The following PTPN14 variants were observed in gnomAD, a reference collection of about 807,000 sequenced individuals.
The protein encoded by PTPN14 is tyrosine-protein phosphatase non-receptor type 14.
A neutral mutation model predicts 126.8 loss-of-function variants in PTPN14; 53 were observed. The ratio of observed to expected loss-of-function variants is 0.42; its 90% confidence interval spans 0.34 to 0.53. PTPN14 has a LOEUF of 0.53. Ranked by LOEUF, PTPN14 falls within the 20% of genes least tolerant of loss-of-function variation. PTPN14 has a pLI of 0.08. For missense variants in PTPN14, 1,257 were observed against 1,552.9 expected (o/e 0.81, Z 3.20); for synonymous variants, 630 against 599.3 (o/e 1.05, Z -0.75).
chr1:214,456,648 A>T (rs1012566821), intron 2 of PTPN14, among the ~76,000 whole-genome samples: 7 of 152,224 alleles, frequency 4.6e-5, no homozygotes, highest in Admixed American at 2.6e-4. Flanking sequence ...CCCATAGCCA[A>T]GAAAAACCAC....
intron 11 of PTPN14, among the ~76,000 whole-genome samples, chr1:214,390,596 T>C (rs984669690): frequency 6.6e-6 from 1 of 152,122 alleles, no homozygotes; most frequent in African/African-American, 2.4e-5. Context: ...TTCTCACTAG[T>C]TTATTAAGCT....
rs1658929135 is a variant in PTPN14 at position 214,398,112 on chromosome 1, A to G, written c.670-111T>C. The G allele has an allele frequency of 3.6e-6, 3 of 825,858 alleles. No homozygotes were observed. In the South Asian group the frequency reaches 4.9e-5, roughly 14 times the overall value. The allele number at this position is 825,858 out of a possible 1,614,324, so 51.2% of individuals were successfully genotyped here. ...AGTGTCCATCCACAGATGAATGGATAAAGAAAACGTGGTACATGTGTGTAC... is the reference window on the plus strand; with the variant it reads ...AGTGTCCATCCACAGATGAATGGATGAAGAAAACGTGGTACATGTGTGTAC... On this transcript the variant is annotated intron_variant, in intron 7 of 18. Transcript: ENST00000366956.
chr1:214,395,769 C>T (rs1658864029), intron 8 of PTPN14, among the ~76,000 whole-genome samples: 1 of 152,108 alleles, frequency 6.6e-6, no homozygotes. Flanking sequence ...TACCCTTCAC[C>T]TGGTGCCCCA....
intron 2 of PTPN14, among the ~76,000 whole-genome samples, chr1:214,461,878 C>T (rs1433269218): frequency 6.6e-6 from 1 of 152,168 alleles, no homozygotes. Flanking sequence ...AAAGCAGCAT[C>T]GGCTCTATTT....
At chr1:214,408,057 C>T (rs1236982747) in intron 5 of PTPN14, among the ~76,000 whole-genome samples, 3 of 152,172 alleles carry the variant, frequency 2.0e-5, no homozygotes, top group Non-Finnish European at 4.4e-5. Flanking sequence ...AGCACACATG[C>T]CATTAGTCTT....
chr1:214,510,963 G>A (rs562646882), intron 1 of PTPN14, among the ~76,000 whole-genome samples: 12 of 152,036 alleles, frequency 7.9e-5, no homozygotes, highest in East Asian at 1.9e-4. Flanking sequence ...CTGCAGCCTC[G>A]AACTGCTGGG....
At position 214,526,677 on chromosome 1, in the gene PTPN14, T is replaced by A. The variant is rs544598489; in HGVS notation, c.-155+24506A>T. On this transcript the variant is annotated intron_variant, in intron 1 of 18. Coordinates refer to ENST00000366956, the MANE Select transcript of PTPN14 (RefSeq NM_005401.5). Reference sequence around the variant, plus strand: ...CAGCAGAGAAGAATAGGCATTCTGATTATCAGTGTTTGAAAAATCCAGGTT... The same window carrying A: ...CAGCAGAGAAGAATAGGCATTCTGAATATCAGTGTTTGAAAAATCCAGGTT... Among the ~76,000 whole-genome samples, 32 of 152,290 alleles carry A rather than the reference T, an allele frequency of 2.1e-4. No homozygotes were observed. The East Asian group carries it at 2.3e-3, about 11-fold the overall frequency.
chr1:214,443,508 C>T (rs1423104828), intron 3 of PTPN14, among the ~76,000 whole-genome samples: 3 of 151,996 alleles, frequency 2.0e-5, no homozygotes, highest in African/African-American at 7.2e-5. Context: ...ACACCCATAA[C>T]AGTAGATTCA....
intron 3 of PTPN14, among the ~76,000 whole-genome samples, chr1:214,421,749 G>A (rs900605412): frequency 3.3e-5 from 5 of 151,958 alleles, no homozygotes; most frequent in Admixed American, 6.6e-5. Flanking sequence ...GTAAGTGTGC[G>A]GTGCTCCCCA....
chr1:214,506,645 G>A (rs541218544), intron 1 of PTPN14, among the ~76,000 whole-genome samples: 6 of 152,234 alleles, frequency 3.9e-5, no homozygotes, highest in South Asian at 4.2e-4. Context: ...CTGTATCTTC[G>A]TGGTAGTGGG....
At chr1:214,482,442 C>A (rs1341735755) in intron 1 of PTPN14, among the ~76,000 whole-genome samples, 1 of 152,166 alleles carries the variant, frequency 6.6e-6, no homozygotes, top group Non-Finnish European at 1.5e-5. Flanking sequence ...AGGAATGCTG[C>A]ACTTGTGATC....
intron 1 of PTPN14, among the ~76,000 whole-genome samples, chr1:214,504,941 G>A (rs914827518): frequency 6.6e-6 from 1 of 152,166 alleles, no homozygotes; most frequent in Non-Finnish European, 1.5e-5. Flanking sequence ...CCCCCAGTGT[G>A]TTTAACTTCA....
At chr1:214,479,002 T>C (rs1571608281) in intron 1 of PTPN14, among the ~76,000 whole-genome samples, 2 of 151,510 alleles carry the variant, frequency 1.3e-5, no homozygotes, top group South Asian at 4.2e-4. Context: ...ATGTACAAAA[T>C]AGTACATTTT....
intron 9 of PTPN14, among the ~76,000 whole-genome samples, chr1:214,394,551 G>A (rs1476256276): frequency 2.0e-5 from 3 of 152,148 alleles, no homozygotes; most frequent in African/African-American, 7.2e-5. Context: ...GGGACTACAG[G>A]TGCCCACCAC....
rs1431802740 is a variant in PTPN14 at position 214,487,223 on chromosome 1, AG to A, written c.-154-22267del. 4.7e-3 allele frequency among the ~76,000 whole-genome samples: 7 copies of A among 1,484 alleles called. No individual in the cohort carries two copies. In the African/African-American group the frequency reaches 0.08, roughly 17 times the overall value. The allele number at this position is 1,484 out of a possible 152,430, so 1.0% of individuals were successfully genotyped here. A position where few individuals can be genotyped will look rare whatever the true frequency, so the allele number is the denominator to read the frequency against. On this transcript the variant is annotated intron_variant, in intron 1 of 18. Transcript: ENST00000366956. The stretch of plus-strand genomic sequence containing the variant: ...ACTAGAGAAAGAAAAGGAGAAGGAA[AG>A]ACAGGAATTAAAGTGAAAGACAGGA...
intron 3 of PTPN14, among the ~76,000 whole-genome samples, chr1:214,429,486 A>G (rs1659748866): frequency 6.6e-6 from 1 of 152,222 alleles, no homozygotes; most frequent in Admixed American, 6.5e-5. Flanking sequence ...AAAAACATTG[A>G]CAGTCATAAA....
At chr1:214,459,654 G>A (rs567872206) in intron 2 of PTPN14, among the ~76,000 whole-genome samples, 41 of 150,888 alleles carry the variant, frequency 2.7e-4, no homozygotes, top group African/African-American at 1.0e-3. Flanking sequence ...ATTTTAGTAG[G>A]GACGGGGTTT....
At chr1:214,365,899 TCATGCCTATAATCC>T (rs1451261214) in intron 17 of PTPN14, among the ~76,000 whole-genome samples, 1 of 152,194 alleles carries the variant, frequency 6.6e-6, no homozygotes, top group African/African-American at 2.4e-5. Context: ...GCTCAGTGGC[TCATGCCTATAATCC>T]CAGCACTTTA....
chr1:214,479,357 T>TG (rs34441140), intron 1 of PTPN14, among the ~76,000 whole-genome samples: 1 of 151,150 alleles, frequency 6.6e-6, no homozygotes, highest in Non-Finnish European at 1.5e-5. Context: ...TTTTTTTTTT[T>TG]GAGATGGAGT....
Sources: allele counts gnomAD v4.1 joint callset (sites outside exome capture counted in the v4.1 genomes callset), GRCh38; gene constraint gnomAD v4.1.1; transcripts MANE v1.5; gene names NCBI Gene and HGNC (gene_info 2026-07-23, HGNC 2026-07-21).